The following TRDMT1 variants were observed in gnomAD, a reference collection of about 807,000 sequenced individuals.
The protein encoded by TRDMT1 is tRNA (cytosine(38)-C(5))-methyltransferase.
In TRDMT1, 49 loss-of-function variants were observed where a neutral mutation model predicts 51.2. The ratio of observed to expected loss-of-function variants is 0.96; its 90% CI spans 0.76 to 1.21. The LOEUF (loss-of-function observed/expected upper bound fraction) is 1.21, where lower values mean the gene tolerates loss of function less well. Ranked by LOEUF, TRDMT1 falls within the 50% of genes most tolerant of loss-of-function variation. TRDMT1 has a pLI of 0.00. For missense variants in TRDMT1, 534 were observed against 462.3 expected (o/e 1.16, Z -1.42); for synonymous variants, 187 against 164.6 (o/e 1.14, Z -1.04).
In TRDMT1 at chr10:17,145,195, C is replaced by T. The variant is rs1207486917; in HGVS notation, c.*3845G>A. 1.0e-5 allele frequency: 8 copies of T among 790,648 alleles called. No homozygotes were observed. In the South Asian group the frequency reaches 1.7e-4, roughly 17 times the overall value. 49.0% of individuals were successfully genotyped at this position (790,648 alleles called of 1,614,324 possible). A position where few individuals can be genotyped will look rare whatever the true frequency, so the allele number is the denominator to read the frequency against. On this transcript the variant is annotated 3_prime_UTR_variant, in exon 11 of 11. Coordinates refer to ENST00000377799, the MANE Select transcript of TRDMT1 (RefSeq NM_004412.7). ...CCAGGAGGGGGAGATTGCAGTGAGC[C>T]GAGATCACGCCACTGCACTCCAGCC...
chr10:17,183,507 T>A (rs1009524017), intron 1 of TRDMT1, among the ~76,000 whole-genome samples: 2 of 152,190 alleles, frequency 1.3e-5, no homozygotes, highest in African/African-American at 4.8e-5. Flanking sequence ...AATCTCCACC[T>A]CCTGGGTTCA....
At chr10:17,154,303 T>C (rs1240580734) in intron 9 of TRDMT1, among the ~76,000 whole-genome samples, 1 of 152,190 alleles carries the variant, frequency 6.6e-6, no homozygotes, top group Admixed American at 6.5e-5. Context: ...ATTATTTTTT[T>C]CCTTAAAAGG....
At chr10:17,161,369 A>C in intron 5 of TRDMT1, 114 bp downstream of exon 5, 1 of 703,100 alleles carries the variant, frequency 1.4e-6, no homozygotes, top group South Asian at 4.4e-5. Context: ...AAGACATTTA[A>C]TATATAAAAT....
At chr10:17,198,012 C>T (rs988953252) in intron 1 of TRDMT1, among the ~76,000 whole-genome samples, 38 of 146,788 alleles carry the variant, frequency 2.6e-4, no homozygotes, top group Admixed American at 7.5e-4. Flanking sequence ...CCAGCCTGGG[C>T]AAGAAGAGCG....
Position 17,142,097 on chromosome 10 carries a change from T to A in TRDMT1, c.*6943A>T, listed in dbSNP as rs1837736583. ...TTGTAATTACCTGTTGAAGCATTTT[T>A]ATGAGAGTTGCTTAAAATCCTTGTC... On this transcript the variant is annotated 3_prime_UTR_variant, in exon 11 of 11. Transcript: ENST00000377799. Among the ~76,000 whole-genome samples, 1 of 152,266 alleles carries A rather than the reference T, an allele frequency of 6.6e-6. No individual in the cohort carries two copies. The highest frequency in any genetic ancestry group is 1.5e-5 in the Non-Finnish European group (1 of 68,050).
chr10:17,151,153 A>C, intron 10 of TRDMT1: 1 of 750,924 alleles, frequency 1.3e-6, no homozygotes, highest in South Asian at 6.1e-5. Context: ...CACAAAAGTA[A>C]TTGAAGTTTT....
chr10:17,185,800 G>C (rs894389994), intron 1 of TRDMT1, among the ~76,000 whole-genome samples: 3 of 152,034 alleles, frequency 2.0e-5, no homozygotes, highest in African/African-American at 7.2e-5. Flanking sequence ...GCAAACTATT[G>C]CAAGGACAGA....
rs963118823 is a variant in TRDMT1 at position 17,137,816 on chromosome 10, C to T, written c.*11224G>A. 2.1e-5 allele frequency among the ~76,000 whole-genome samples: 3 copies of T among 141,542 alleles called. No individual in the cohort carries two copies. Among genetic ancestry groups the T allele is most frequent in the African/African-American group, 5.4e-5 (2 of 37,098 alleles). The allele number at this position is 141,542 out of a possible 152,430, so 92.9% of individuals were successfully genotyped here. ...CTGCACTCCAGCCTGGGTGACAGAG[C>T]GAAACTCTGCCAAAAAAAAAAGAAA... On this transcript the variant is annotated 3_prime_UTR_variant, in exon 11 of 11. Coordinates refer to ENST00000377799, the MANE Select transcript of TRDMT1 (RefSeq NM_004412.7).
At chr10:17,171,444 A>T (rs1841999201) in intron 2 of TRDMT1, 1 of 152,234 alleles carries the variant, frequency 6.6e-6, no homozygotes, top group South Asian at 2.1e-4. Flanking sequence ...ATCCATGGGT[A>T]AATGGAACCG....
intron 3 of TRDMT1, among the ~76,000 whole-genome samples, chr10:17,163,901 A>T (rs545941538): frequency 1.3e-5 from 2 of 152,340 alleles, no homozygotes; most frequent in African/African-American, 4.8e-5. Context: ...AAAAAAGTCC[A>T]GGACCAGACA....
chr10:17,175,194 T>C (rs985719552), intron 1 of TRDMT1, among the ~76,000 whole-genome samples: 11 of 152,160 alleles, frequency 7.2e-5, no homozygotes, highest in Admixed American at 4.6e-4. Flanking sequence ...CTTACATAAG[T>C]TTTTAAATGA....
At chr10:17,196,601 T>C (rs1159876952) in intron 1 of TRDMT1, among the ~76,000 whole-genome samples, 1 of 152,224 alleles carries the variant, frequency 6.6e-6, no homozygotes. Flanking sequence ...AAAGTACACA[T>C]AAGTAGTTTC....
chr10:17,159,273 A>G (rs774444870), intron 6 of TRDMT1, 44 bp from the exon 7 acceptor site: 20 of 1,427,866 alleles, frequency 1.4e-5, no homozygotes, highest in African/African-American at 1.4e-5. Context: ...AAAATTAAAG[A>G]GAGCGGTACC....
chr10:17,192,410 T>C (rs1844809121), intron 1 of TRDMT1, among the ~76,000 whole-genome samples: 1 of 152,196 alleles, frequency 6.6e-6, no homozygotes, highest in African/African-American at 2.4e-5. Flanking sequence ...GAGAAGCTTA[T>C]TTCAAAGTTC....
chr10:17,148,848 T>C lies in TRDMT1; in HGVS notation c.*192A>G, dbSNP rs1838340547. 2 of 1,196,212 alleles carry C rather than the reference T, an allele frequency of 1.7e-6. No homozygotes were observed. The highest frequency in any genetic ancestry group is 4.4e-5 in the South Asian group (2 of 45,060). The allele number at this position is 1,196,212 out of a possible 1,614,324, so 74.1% of individuals were successfully genotyped here. ...CTCCATAAAGCATAACAATAGTTCG[T>C]ATTTTATAAAATACAGTAATATAAA... On this transcript the variant is annotated 3_prime_UTR_variant, in exon 11 of 11. Transcript: ENST00000377799.
At chr10:17,169,386 T>C in intron 2 of TRDMT1, 1 of 1,274,716 alleles carries the variant, frequency 7.8e-7, no homozygotes, top group Admixed American at 2.4e-5. Flanking sequence ...TCTGTTAATA[T>C]ATTATCAAAT....
chr10:17,159,577 C>T (rs1840024663), intron 6 of TRDMT1, among the ~76,000 whole-genome samples: 5 of 151,980 alleles, frequency 3.3e-5, no homozygotes, highest in Admixed American at 3.3e-4. Context: ...CTATTCTTGG[C>T]TATTTATTAC....
At chr10:17,201,374 G>A in intron 1 of TRDMT1, 197 bp downstream of exon 1, 1 of 535,208 alleles carries the variant, frequency 1.9e-6, no homozygotes. Flanking sequence ...CTCGGCGCCA[G>A]GAGAAGGGAG....
At chr10:17,179,436 G>A (rs916955166) in intron 1 of TRDMT1, among the ~76,000 whole-genome samples, 3 of 152,006 alleles carry the variant, frequency 2.0e-5, no homozygotes, top group Admixed American at 1.3e-4. Flanking sequence ...TATAGGTAAC[G>A]AACGCCTAGG....
Sources: allele counts gnomAD v4.1 joint callset (sites outside exome capture counted in the v4.1 genomes callset), GRCh38; gene constraint gnomAD v4.1.1; transcripts MANE v1.5; gene names NCBI Gene and HGNC (gene_info 2026-07-23, HGNC 2026-07-21).